ARMH3: variants seen among roughly 807,000 people sequenced by gnomAD.
The protein encoded by ARMH3 is armadillo-like helical domain-containing protein 3.
In ARMH3, 60 loss-of-function variants were observed where a neutral mutation model predicts 99.1. The ratio of observed to expected loss-of-function variants is 0.61; its 90% CI spans 0.49 to 0.75. ARMH3 has a LOEUF of 0.75. Ranked by LOEUF, ARMH3 falls within the 30% of genes least tolerant of loss-of-function variation. The probability of loss-of-function intolerance (pLI) is 0.00; values close to 1 mark genes in which losing one functional copy is unlikely to be tolerated. For synonymous variants in ARMH3, 285 were observed against 292.8 expected (o/e 0.97, Z 0.27); for missense variants, 679 against 843.1 (o/e 0.81, Z 2.41).
intron 8 of ARMH3, among the ~76,000 whole-genome samples, chr10:102,020,847 CAA>C (rs1332174201): frequency 4.3e-4 from 29 of 67,598 alleles, no homozygotes; most frequent in Non-Finnish European, 3.8e-4. Context: ...GACTCTGTCT[CAA>C]AAAAAAAAAA....
chr10:101,904,245 T>A (rs958596101), intron 23 of ARMH3, among the ~76,000 whole-genome samples: 7 of 152,222 alleles, frequency 4.6e-5, no homozygotes, highest in Non-Finnish European at 1.0e-4. Context: ...GAACCTTTAA[T>A]GCCACGAAGA....
intron 24 of ARMH3, among the ~76,000 whole-genome samples, chr10:101,860,085 G>A (rs1007055767): frequency 6.6e-6 from 1 of 151,984 alleles, no homozygotes; most frequent in Non-Finnish European, 1.5e-5. Flanking sequence ...AAAAAAACGG[G>A]GAAAGGGAAT....
At chr10:101,853,524 T>C (rs1477381034) in intron 24 of ARMH3, among the ~76,000 whole-genome samples, 1 of 152,216 alleles carries the variant, frequency 6.6e-6, no homozygotes, top group Admixed American at 6.5e-5. Flanking sequence ...GCCTGAGGCT[T>C]ACCACAATTT....
At chr10:102,041,606 T>C (rs1335540250) in intron 1 of ARMH3, among the ~76,000 whole-genome samples, 4 of 152,026 alleles carry the variant, frequency 2.6e-5, no homozygotes, top group African/African-American at 4.8e-5. Flanking sequence ...GAGCATACAC[T>C]AAAGCACAGG....
At chr10:102,048,863 G>A (rs1178183256) in intron 1 of ARMH3, among the ~76,000 whole-genome samples, 1 of 152,130 alleles carries the variant, frequency 6.6e-6, no homozygotes, top group African/African-American at 2.4e-5. Context: ...AAAGTTACCT[G>A]CTCCCTAAGC....
chr10:101,979,355 A>G (rs560276832), intron 19 of ARMH3, among the ~76,000 whole-genome samples: 2 of 152,370 alleles, frequency 1.3e-5, no homozygotes, highest in South Asian at 2.1e-4. Context: ...GCTAAATTAA[A>G]TAAGTCAGTA....
At chr10:101,934,782 T>A (rs1843879846) in intron 23 of ARMH3, among the ~76,000 whole-genome samples, 2 of 152,156 alleles carry the variant, frequency 1.3e-5, no homozygotes, top group Admixed American at 1.3e-4. Flanking sequence ...GAAGGTCAGA[T>A]TTTAGTTTAC....
chr10:102,041,515 A>G (rs2067425412), intron 1 of ARMH3, among the ~76,000 whole-genome samples: 1 of 152,178 alleles, frequency 6.6e-6, no homozygotes, highest in African/African-American at 2.4e-5. Context: ...TAAGGAAGAG[A>G]TGTATCCAAT....
chr10:101,905,914 C>T (rs935962426), intron 23 of ARMH3, among the ~76,000 whole-genome samples: 5 of 152,172 alleles, frequency 3.3e-5, no homozygotes, highest in Non-Finnish European at 5.9e-5. Flanking sequence ...GATTGTCTGT[C>T]CGTCTTTTCC....
intron 8 of ARMH3, among the ~76,000 whole-genome samples, chr10:102,020,473 G>A (rs903782920): frequency 3.3e-5 from 5 of 151,978 alleles, no homozygotes; most frequent in South Asian, 4.1e-4. Context: ...TCAGGAGATC[G>A]AGACCATCCT....
chr10:102,007,759 G>C (rs2066534866), intron 13 of ARMH3, among the ~76,000 whole-genome samples: 1 of 150,158 alleles, frequency 6.7e-6, no homozygotes, highest in East Asian at 1.9e-4. Context: ...CGTGAACCCG[G>C]GAGGCAGAGC....
At chr10:101,886,870 C>T (rs971349130) in intron 24 of ARMH3, among the ~76,000 whole-genome samples, 3 of 152,172 alleles carry the variant, frequency 2.0e-5, no homozygotes, top group Non-Finnish European at 4.4e-5. Flanking sequence ...CATTTAACAT[C>T]TATCCATGCT....
At chr10:101,994,162 T>C (rs1300128808) in intron 16 of ARMH3, among the ~76,000 whole-genome samples, 1 of 152,192 alleles carries the variant, frequency 6.6e-6, no homozygotes, top group Non-Finnish European at 1.5e-5. Flanking sequence ...GGATTAGTAA[T>C]AAACATCCCT....
At chr10:102,048,508 C>T (rs2067611719) in intron 1 of ARMH3, among the ~76,000 whole-genome samples, 1 of 152,220 alleles carries the variant, frequency 6.6e-6, no homozygotes, top group Non-Finnish European at 1.5e-5. Flanking sequence ...TTCACTGCAA[C>T]CTCCGCTTCC....
chr10:102,014,077 C>T (rs761672867), intron 8 of ARMH3, 53 bp from the exon 9 acceptor site: 9 of 1,390,246 alleles, frequency 6.5e-6, no homozygotes, highest in South Asian at 1.2e-5. Context: ...TAAGAAAGCC[C>T]GTTAGCTATC....
intron 23 of ARMH3, among the ~76,000 whole-genome samples, chr10:101,925,290 TA>T (rs1564758312): frequency 6.6e-6 from 1 of 152,244 alleles, no homozygotes; most frequent in Non-Finnish European, 1.5e-5. Context: ...GTTCCAGTTC[TA>T]GATGTCATTC....
At chr10:102,019,598 C>T (rs889677755) in intron 8 of ARMH3, among the ~76,000 whole-genome samples, 5 of 152,024 alleles carry the variant, frequency 3.3e-5, no homozygotes, top group African/African-American at 7.3e-5. Context: ...GTGTGTGTCT[C>T]AGTTTTTAAC....
intron 8 of ARMH3, among the ~76,000 whole-genome samples, chr10:102,020,066 A>C: frequency 6.6e-6 from 1 of 151,848 alleles, no homozygotes. Context: ...CTCAAACATC[A>C]CAAAATATAG....
At chr10:101,999,953 C>T (rs2136052049) in intron 15 of ARMH3, among the ~76,000 whole-genome samples, 1 of 152,158 alleles carries the variant, frequency 6.6e-6, no homozygotes, top group African/African-American at 2.4e-5. Context: ...TGTTGTGCCA[C>T]ATGCCTGTAG....
Sources: gnomAD v4.1 joint callset for allele counts (sites outside exome capture counted in the v4.1 genomes callset) on GRCh38, gnomAD v4.1.1 for gene constraint, MANE v1.5 for transcripts, NCBI Gene and HGNC (gene_info 2026-07-23, HGNC 2026-07-21) for gene names.